SLC35D2: variants seen among roughly 807,000 people sequenced by gnomAD.
SLC35D2 encodes the protein nucleotide sugar transporter SLC35D2.
Under a neutral mutation model 41.8 loss-of-function variants are expected in SLC35D2, and 43 were observed. The observed-to-expected ratio is 1.03, with a 90% CI of 0.81 to 1.33. The LOEUF (loss-of-function observed/expected upper bound fraction) is 1.33. Among genes scored for constraint, SLC35D2 ranks in the 40% most tolerant of loss-of-function variants. The pLI is 0.00. For missense variants in SLC35D2, 380 were observed against 408.4 expected, an observed-to-expected ratio of 0.93 and a Z score of 0.60; for synonymous variants, 150 against 163.9, an observed-to-expected ratio of 0.92 and a Z score of 0.65.
intron 1 of SLC35D2, among the ~76,000 whole-genome samples, chr9:96,383,044 T>C (rs1831274240): frequency 6.6e-6 from 1 of 152,138 alleles, no homozygotes; most frequent in South Asian, 2.1e-4. Flanking sequence ...TTTTCCCGAG[T>C]TTTCCATGAA....
chr9:96,365,477 C>T (rs1029865430), intron 2 of SLC35D2, among the ~76,000 whole-genome samples: 1 of 152,216 alleles, frequency 6.6e-6, no homozygotes, highest in East Asian at 1.9e-4. Flanking sequence ...GACAAATGTG[C>T]AAAAGTGATC....
chr9:96,326,805 C>CAAAA (rs373966865), intron 9 of SLC35D2, among the ~76,000 whole-genome samples: 2 of 105,720 alleles, frequency 1.9e-5, no homozygotes, highest in Non-Finnish European at 4.2e-5. Context: ...GACTCTGTCT[C>CAAAA]AAAAAAAAAA....
intron 6 of SLC35D2, among the ~76,000 whole-genome samples, chr9:96,348,228 T>C (rs531822746): frequency 6.6e-6 from 1 of 152,312 alleles, no homozygotes; most frequent in African/African-American, 2.4e-5. Flanking sequence ...TATTTTAACT[T>C]TTTCTGGCCA....
chr9:96,344,044 C>A, intron 7 of SLC35D2, 48 bp from the exon 8 acceptor site: 1 of 1,238,350 alleles, frequency 8.1e-7, no homozygotes, highest in Non-Finnish European at 1.1e-6. Flanking sequence ...AAACGTGAGG[C>A]ACAGATTTCC....
Position 96,347,377 on chromosome 9 carries a change from C to T in SLC35D2, c.489-1976G>A, listed in dbSNP as rs73536834. 2.4e-3 allele frequency among the ~76,000 whole-genome samples: 373 copies of T among 152,300 alleles called. 1 individual carries two copies. The highest frequency in any genetic ancestry group is 8.4e-3 in the African/African-American group (349 of 41,570). On this transcript the variant is annotated intron_variant, in intron 6 of 11. Coordinates refer to ENST00000253270, the MANE Select transcript of SLC35D2 (RefSeq NM_007001.3). ...GGGTCACTGTCAGGCAGCTTACCCA[C>T]TGTTTGTTTAGGCCAGTGGTGACAG...
At chr9:96,349,336 T>C (rs1829713974) in intron 6 of SLC35D2, among the ~76,000 whole-genome samples, 1 of 152,074 alleles carries the variant, frequency 6.6e-6, no homozygotes, top group African/African-American at 2.4e-5. Flanking sequence ...CCCAGGTCCA[T>C]TCATTCTCTC....
chr9:96,367,157 C>G (rs892936363), intron 2 of SLC35D2, among the ~76,000 whole-genome samples: 1 of 145,768 alleles, frequency 6.9e-6, no homozygotes, highest in African/African-American at 2.6e-5. Flanking sequence ...GAGGCAGAGG[C>G]TGCAGTGAGC....
Position 96,343,908 on chromosome 9 carries a change from T to A in SLC35D2, c.680A>T (p.Gln227Leu). 6.5e-7 allele frequency: 1 copy of A among 1,541,926 alleles called. No individual in the cohort carries two copies. The highest frequency in any genetic ancestry group is 8.7e-7 in the Non-Finnish European group (1 of 1,149,948). Residue 227 changes from glutamine (Q) to leucine (L), a missense_variant, in exon 8 of 12, where the codon CAA (glutamine) becomes CTA (leucine). Physicochemically the swap from Gln to Leu is moderately radical, Grantham distance 113. Transcript: ENST00000253270. ...TAATGATTGTCATCAGCTCACCTGT[T>A]GCAGGTCTCCAGTGGAGACACTAAT... is the stretch of plus-strand genomic sequence containing the variant. ...LIISVSTGDL[Q>L]QATEFNQWKN...
At chr9:96,324,912 T>A (rs529012516) in intron 9 of SLC35D2, among the ~76,000 whole-genome samples, 2 of 152,204 alleles carry the variant, frequency 1.3e-5, no homozygotes, top group South Asian at 2.1e-4. Context: ...CTGCTTCACA[T>A]GGTTTGAGGT....
downstream of SLC35D2, among the ~76,000 whole-genome samples, chr9:96,317,170 A>G (rs1300244237): frequency 5.3e-5 from 8 of 152,116 alleles, no homozygotes. Context: ...ACAGCAAGAA[A>G]TAGTCCAAGT....
intron 1 of SLC35D2, among the ~76,000 whole-genome samples, chr9:96,368,593 G>A (rs952259842): frequency 2.0e-5 from 3 of 151,724 alleles, no homozygotes; most frequent in African/African-American, 7.3e-5. Context: ...GCAGTGGTGT[G>A]ATGGCTCAAG....
rs765738109 is a variant in SLC35D2 at position 96,352,055 on chromosome 9, C to T, written c.402G>A (p.Leu134=). The T allele has an allele frequency of 1.2e-6, 2 of 1,611,832 alleles. No individual in the cohort carries two copies. The highest frequency in any genetic ancestry group is 1.7e-6 in the Non-Finnish European group (2 of 1,178,598). The part of the protein sequence containing the change: ...RKFTIPLTLL[L]ETIILGKQYS... ...AAAATCACCCAAGTATGATGGTTTC[C>T]AGAAGTAAGGTAAGTGGAATGGTGA... Residue 134 remains leucine, a synonymous_variant, in exon 5 of 12, where the codon CTG becomes CTA. Coordinates refer to ENST00000253270, the MANE Select transcript of SLC35D2 (RefSeq NM_007001.3).
At chr9:96,375,755 C>T (rs146412791) in intron 1 of SLC35D2, among the ~76,000 whole-genome samples, 1,705 of 152,108 alleles carry the variant, frequency 0.011, 16 homozygotes, top group Non-Finnish European at 0.017. Flanking sequence ...TGGTGGTTCA[C>T]GCCTGTAATC....
intron 8 of SLC35D2, among the ~76,000 whole-genome samples, chr9:96,339,921 C>A (rs1249722350): frequency 2.6e-5 from 4 of 152,206 alleles, no homozygotes; most frequent in Non-Finnish European, 5.9e-5. Flanking sequence ...AATCTCTGAT[C>A]TTCTCCATCG....
chr9:96,328,776 C>G (rs1828668258), intron 9 of SLC35D2, among the ~76,000 whole-genome samples: 1 of 152,168 alleles, frequency 6.6e-6, no homozygotes, highest in Non-Finnish European at 1.5e-5. Flanking sequence ...TTTCCACCAT[C>G]CACAATGGTA....
At chr9:96,375,269 ATAAC>A (rs1451283254) in intron 1 of SLC35D2, among the ~76,000 whole-genome samples, 1 of 151,938 alleles carries the variant, frequency 6.6e-6, no homozygotes, top group Non-Finnish European at 1.5e-5. Flanking sequence ...TCACAACAGA[ATAAC>A]TTTTCTTAAA....
chr9:96,343,074 C>T (rs553162804), intron 8 of SLC35D2, among the ~76,000 whole-genome samples: 19 of 152,312 alleles, frequency 1.2e-4, no homozygotes, highest in African/African-American at 4.1e-4. Flanking sequence ...TCGTTTCTCA[C>T]AGTCACTTAC....
chr9:96,334,737 G>A (rs1828973319), intron 9 of SLC35D2, among the ~76,000 whole-genome samples: 1 of 152,094 alleles, frequency 6.6e-6, no homozygotes, highest in Admixed American at 6.6e-5. Context: ...CAAAAAAACT[G>A]CATGCTTAAA....
chr9:96,339,678 A>G (rs1829226628), intron 8 of SLC35D2, among the ~76,000 whole-genome samples: 1 of 152,144 alleles, frequency 6.6e-6, no homozygotes, highest in African/African-American at 2.4e-5. Context: ...TCTATTCATC[A>G]ACTGTAATAT....
Sources: allele counts gnomAD v4.1 joint callset (sites outside exome capture counted in the v4.1 genomes callset), GRCh38; gene constraint gnomAD v4.1.1; transcripts MANE v1.5; gene names NCBI Gene and HGNC (gene_info 2026-07-23, HGNC 2026-07-21).